Variants in PDE4D observed in about 807,000 individuals in gnomAD.
The protein encoded by PDE4D is 3',5'-cyclic-AMP phosphodiesterase 4D.
In PDE4D, 24 loss-of-function variants were observed where a neutral mutation model predicts 87.4. That is an observed-to-expected ratio of 0.27 (90% confidence interval 0.20 to 0.39). PDE4D has a LOEUF of 0.39. Ranked by LOEUF, PDE4D falls within the 10% of genes least tolerant of loss-of-function variation. PDE4D has a pLI of 1.00. For missense variants in PDE4D, 714 were observed against 1,041.0 expected, an observed-to-expected ratio of 0.69 and a Z score of 4.32; for synonymous variants, 384 against 383.2, an observed-to-expected ratio of 1.00 and a Z score of -0.02.
intron 3 of PDE4D, among the ~76,000 whole-genome samples, chr5:59,934,900 T>C (rs1756395069): frequency 6.6e-6 from 1 of 152,094 alleles, no homozygotes; most frequent in African/African-American, 2.4e-5. Flanking sequence ...AAGATATAGG[T>C]ACAAAAAAAT....
chr5:60,027,906 G>A (rs191920847), intron 2 of PDE4D, among the ~76,000 whole-genome samples: 16 of 152,188 alleles, frequency 1.1e-4, no homozygotes, highest in African/African-American at 2.9e-4. Context: ...TAAAACTTTC[G>A]TGTCCTCTGC....
intron 5 of PDE4D, among the ~76,000 whole-genome samples, chr5:59,094,216 CAAAAAAAAAA>C (rs1164383460): frequency 4.1e-4 from 6 of 14,562 alleles, no homozygotes; most frequent in Admixed American, 1.1e-3. Flanking sequence ...GACTCCGTCT[CAAAAAAAAAA>C]AAAAAAAAAA....
intron 1 of PDE4D, among the ~76,000 whole-genome samples, chr5:59,687,951 A>G (rs547440999): frequency 6.6e-6 from 1 of 152,204 alleles, no homozygotes; most frequent in African/African-American, 2.4e-5. Flanking sequence ...TTAAACCAAC[A>G]AAGATCAAAA....
intron 3 of PDE4D, among the ~76,000 whole-genome samples, chr5:59,947,588 C>T (rs182146733): frequency 1.4e-4 from 22 of 152,298 alleles, no homozygotes; most frequent in Admixed American, 1.3e-3. Flanking sequence ...ATATGCACAC[C>T]TGCTGCTGAA....
At chr5:60,385,465 A>G (rs1762135358) in intron 1 of PDE4D, among the ~76,000 whole-genome samples, 1 of 152,214 alleles carries the variant, frequency 6.6e-6, no homozygotes, top group Non-Finnish European at 1.5e-5. Context: ...CAGTCTTGCA[A>G]ACTTGTAGTC....
chr5:59,217,346 T>C (rs1205940125), intron 1 of PDE4D: 1 of 449,318 alleles, frequency 2.2e-6, no homozygotes, highest in Non-Finnish European at 4.4e-6. Context: ...AACTATTAAC[T>C]AGCTCATTTT....
intron 1 of PDE4D, among the ~76,000 whole-genome samples, chr5:60,399,451 T>C (rs1740848400): frequency 6.6e-6 from 1 of 152,244 alleles, no homozygotes; most frequent in Non-Finnish European, 1.5e-5. Flanking sequence ...TTGATGAATT[T>C]CCTGCCATGT....
Position 60,154,768 on chromosome 5 carries a change from C to T in PDE4D, c.42+30789G>A, listed in dbSNP as rs540508935. 3.3e-5 allele frequency among the ~76,000 whole-genome samples: 5 copies of T among 152,300 alleles called. No homozygotes were observed. In the East Asian group the frequency reaches 9.7e-4, roughly 29 times the overall value. ...CTACTCCATAAGGGTAACAACTATCCTGATTTCTAAAACCAAAACAATACT... is the reference window on the plus strand; with the variant it reads ...CTACTCCATAAGGGTAACAACTATCTTGATTTCTAAAACCAAAACAATACT... On this transcript the variant is annotated intron_variant, in intron 2 of 16. Transcript: ENST00000502484.
At chr5:59,225,117 A>G (rs563986641) in intron 1 of PDE4D, among the ~76,000 whole-genome samples, 44 of 152,174 alleles carry the variant, frequency 2.9e-4, no homozygotes, top group African/African-American at 9.4e-4. Flanking sequence ...TTTCCCCCTA[A>G]ATTTTCTTCT....
At chr5:60,273,381 G>A (rs1000378487) in intron 1 of PDE4D, among the ~76,000 whole-genome samples, 2 of 152,160 alleles carry the variant, frequency 1.3e-5, no homozygotes, top group African/African-American at 2.4e-5. Context: ...AGTTCAAGGT[G>A]AAAAGAAGAT....
chr5:59,284,280 C>T lies in PDE4D; in HGVS notation c.456-68312G>A, dbSNP rs181048834. ...GGTCATCCTCTCTTCATTTGGTTAA[C>T]TATAAGCCACTAACTAGGAACTCCT... On this transcript the variant is annotated intron_variant, in intron 1 of 14. Coordinates refer to ENST00000340635, the MANE Select transcript of PDE4D (RefSeq NM_001104631.2). Among the ~76,000 whole-genome samples the T allele has an allele frequency of 2.1e-3, 317 of 152,228 alleles. 1 individual carries two copies. Among genetic ancestry groups the T allele is most frequent in the Middle Eastern group, 0.014 (4 of 294 alleles).
At chr5:60,379,395 A>C (rs1761686188) in intron 1 of PDE4D, among the ~76,000 whole-genome samples, 2 of 152,130 alleles carry the variant, frequency 1.3e-5, no homozygotes, top group African/African-American at 4.8e-5. Flanking sequence ...TCTCTGGTAA[A>C]AGAGGTGCTG....
intron 1 of PDE4D, among the ~76,000 whole-genome samples, chr5:60,277,234 G>T (rs531431497): frequency 6.6e-6 from 1 of 151,886 alleles, no homozygotes; most frequent in Non-Finnish European, 1.5e-5. Context: ...CCTCACTCTC[G>T]CCACTTCTAG....
In PDE4D at chr5:59,273,082, C is replaced by A. The variant is rs1764131799; in HGVS notation, c.456-57114G>T. 2.0e-5 allele frequency among the ~76,000 whole-genome samples: 3 copies of A among 152,116 alleles called. No individual in the cohort carries two copies. In the South Asian group the frequency reaches 6.2e-4, roughly 32 times the overall value. Reference sequence around the variant, plus strand: ...AAGCCAGAAAGATGTGTCCCAAGAACAAAGTATTTTGGAGATCAACCTGGA... The same window carrying A: ...AAGCCAGAAAGATGTGTCCCAAGAAAAAAGTATTTTGGAGATCAACCTGGA... On this transcript the variant is annotated intron_variant, in intron 1 of 14. Transcript: ENST00000340635.
intron 1 of PDE4D, among the ~76,000 whole-genome samples, chr5:60,290,532 G>T (rs1752802133): frequency 6.6e-6 from 1 of 152,092 alleles, no homozygotes; most frequent in Non-Finnish European, 1.5e-5. Context: ...GGCAGGGAGT[G>T]GTGGCTCACA....
intron 5 of PDE4D, among the ~76,000 whole-genome samples, chr5:59,142,708 G>A (rs72764072): frequency 0.26 from 40,064 of 152,126 alleles, 5,442 homozygotes; most frequent in East Asian, 0.42. Flanking sequence ...AGGCCCAGGC[G>A]GGCGGATCAT....
chr5:60,446,932 G>T (rs702554), intron 1 of PDE4D, among the ~76,000 whole-genome samples: 21 of 152,032 alleles, frequency 1.4e-4, no homozygotes, highest in African/African-American at 4.8e-4. Flanking sequence ...AGAGATTTGT[G>T]GGGGGCGCTG....
chr5:60,452,863 C>G (rs1252790968), intron 1 of PDE4D, among the ~76,000 whole-genome samples: 1 of 151,942 alleles, frequency 6.6e-6, no homozygotes, highest in African/African-American at 2.4e-5. Context: ...TATACACACC[C>G]CAGAAAAACG....
chr5:60,147,198 T>C (rs78353369), intron 2 of PDE4D, among the ~76,000 whole-genome samples: 1,923 of 152,318 alleles, frequency 0.013, 40 homozygotes, highest in East Asian at 0.046. Context: ...CTCTGTTGAA[T>C]TGATTTTGCT....
Sources: allele counts gnomAD v4.1 joint callset (sites outside exome capture counted in the v4.1 genomes callset), GRCh38; gene constraint gnomAD v4.1.1; transcripts MANE v1.5; gene names NCBI Gene and HGNC (gene_info 2026-07-23, HGNC 2026-07-21).